TRPC4: variants seen among roughly 807,000 people sequenced by gnomAD.
TRPC4 encodes the protein short transient receptor potential channel 4.
A neutral mutation model predicts 99.4 loss-of-function variants in TRPC4; 49 were observed. The observed-to-expected ratio is 0.49, with a 90% CI of 0.39 to 0.63. The LOEUF (loss-of-function observed/expected upper bound fraction) is 0.63, where lower values mean the gene tolerates loss of function less well. Among genes scored for constraint, TRPC4 ranks in the 20% least tolerant of loss-of-function variants. The pLI is 0.00. For missense variants in TRPC4, 898 were observed against 1,152.9 expected, an observed-to-expected ratio of 0.78 and a Z score of 3.20; for synonymous variants, 454 against 425.9, an observed-to-expected ratio of 1.07 and a Z score of -0.81.
rs562676517 is a variant in TRPC4 at position 37,783,285 on chromosome 13, G to A, written c.49C>T (p.Arg17Cys). The change falls in exon 2 of 11, where the codon CGC becomes TGC. Residue 17 changes from arginine (R) to cysteine (C), a missense_variant. Physicochemically the swap from Arg to Cys is radical, Grantham distance 180 (BLOSUM62 -3). Around this residue, in one of 3 missense-constraint regions of TRPC4, gnomAD observed 278 missense variants for 346.6 expected, o/e 0.80. Transcript: ENST00000379705. ...KRNVNAPYRD[R>C]IPLRIVRAES... is the part of the protein sequence containing the mutation. Reference sequence around the variant, plus strand: ...GCTCTTACTATCCTTAGAGGGATGCGGTCTCTATAGGGAGCATTAACATTT... The same window carrying A: ...GCTCTTACTATCCTTAGAGGGATGCAGTCTCTATAGGGAGCATTAACATTT... The A allele has an allele frequency of 3.4e-5, 54 of 1,611,854 alleles. No individual in the cohort carries two copies. Among genetic ancestry groups the A allele is most frequent in the Non-Finnish European group, 3.8e-5 (45 of 1,179,186 alleles).
At chr13:37,651,105 C>G (rs1035451218) in intron 8 of TRPC4, 160 bp downstream of exon 8, 2 of 778,666 alleles carry the variant, frequency 2.6e-6, no homozygotes, top group African/African-American at 1.8e-5. Flanking sequence ...CCTAGTTAAT[C>G]AGACACTGCC....
At position 37,825,574 on chromosome 13, in the gene TRPC4, C is replaced by T. The variant is rs1214401956; in HGVS notation, c.-27-42214G>A. Among the ~76,000 whole-genome samples, 249 of 149,178 alleles carry T rather than the reference C, an allele frequency of 1.7e-3. 1 individual carries two copies. Among genetic ancestry groups the T allele is most frequent in the African/African-American group, 5.8e-3 (233 of 40,502 alleles). ...GCAGGTTGTTCAGTTTCCATGTAGT[C>T]CAGCGGTTTTGAGTGAGATTCTTAA... On this transcript the variant is annotated intron_variant, in intron 1 of 10. Coordinates refer to ENST00000379705, the MANE Select transcript of TRPC4 (RefSeq NM_016179.4).
intron 5 of TRPC4, among the ~76,000 whole-genome samples, chr13:37,673,387 A>C (rs995498180): frequency 6.6e-6 from 1 of 152,116 alleles, no homozygotes; most frequent in Non-Finnish European, 1.5e-5. Flanking sequence ...AATGAATAAA[A>C]GTTTATCTAC....
chr13:37,790,333 AG>A (rs1360396223), intron 1 of TRPC4, among the ~76,000 whole-genome samples: 3 of 152,182 alleles, frequency 2.0e-5, no homozygotes, highest in African/African-American at 7.2e-5. Flanking sequence ...TAACTCCCTT[AG>A]GGACAGAAAA....
chr13:37,717,108 TA>T (rs1186844598), intron 3 of TRPC4, among the ~76,000 whole-genome samples: 3 of 152,160 alleles, frequency 2.0e-5, no homozygotes, highest in African/African-American at 7.2e-5. Flanking sequence ...CAATACTTCA[TA>T]TTCACAACAT....
At chr13:37,773,922 G>A (rs753169299) in intron 2 of TRPC4, among the ~76,000 whole-genome samples, 1 of 151,548 alleles carries the variant, frequency 6.6e-6, no homozygotes, top group Non-Finnish European at 1.5e-5. Flanking sequence ...TTTGGAGAGT[G>A]GGAAATACAT....
chr13:37,743,457 T>C (rs1955649630), intron 3 of TRPC4, among the ~76,000 whole-genome samples: 1 of 152,130 alleles, frequency 6.6e-6, no homozygotes, highest in Non-Finnish European at 1.5e-5. Context: ...ATTTATAACA[T>C]ATACAGAAGA....
At chr13:37,741,388 G>A (rs1029886015) in intron 3 of TRPC4, among the ~76,000 whole-genome samples, 3 of 152,108 alleles carry the variant, frequency 2.0e-5, no homozygotes, top group Non-Finnish European at 2.9e-5. Context: ...AGTCGTCCTC[G>A]CCTTTATGTT....
intron 1 of TRPC4, among the ~76,000 whole-genome samples, chr13:37,868,456 A>G (rs1959921596): frequency 6.6e-6 from 1 of 152,148 alleles, no homozygotes; most frequent in East Asian, 1.9e-4. Flanking sequence ...CTCAATGTCT[A>G]ATTTAGAGTT....
Position 37,633,784 on chromosome 13 carries a change from T to C in TRPC4, c.*3119A>G, listed in dbSNP as rs1321261488. 6.6e-6 allele frequency among the ~76,000 whole-genome samples: 1 copy of C among 152,086 alleles called. No homozygotes were observed. The highest frequency in any genetic ancestry group is 2.4e-5 in the African/African-American group (1 of 41,436). Reference sequence around the variant, plus strand: ...ATATTCAATTCATGAAACAGATACATTTTGAGGATGTTTAGCACTTTGAAA... The same window carrying C: ...ATATTCAATTCATGAAACAGATACACTTTGAGGATGTTTAGCACTTTGAAA... On this transcript the variant is annotated 3_prime_UTR_variant, in exon 11 of 11. Coordinates refer to ENST00000379705, the MANE Select transcript of TRPC4 (RefSeq NM_016179.4).
chr13:37,793,091 T>A (rs1322608066), intron 1 of TRPC4, among the ~76,000 whole-genome samples: 1 of 152,138 alleles, frequency 6.6e-6, no homozygotes, highest in Non-Finnish European at 1.5e-5. Context: ...CGTTGAGACG[T>A]CTGGTTAGAA....
chr13:37,796,990 A>AAAGTAAAGTAAAGTAAAGTAAAGTAAAGT (rs1417298084), intron 1 of TRPC4, among the ~76,000 whole-genome samples: 1 of 149,816 alleles, frequency 6.7e-6, no homozygotes, highest in African/African-American at 2.4e-5. Context: ...AAAGTAAAGT[A>AAAGTAAAGTAAAGTAAAGTAAAGTAAAGT]AAGTAAAGTA....
chr13:37,801,363 T>G (rs1300054830), intron 1 of TRPC4, among the ~76,000 whole-genome samples: 2 of 152,092 alleles, frequency 1.3e-5, no homozygotes, highest in Non-Finnish European at 2.9e-5. Context: ...TGCATCATCC[T>G]TCACTCCACT....
At chr13:37,861,558 A>G (rs1959326004) in intron 1 of TRPC4, among the ~76,000 whole-genome samples, 1 of 151,638 alleles carries the variant, frequency 6.6e-6, no homozygotes, top group African/African-American at 2.4e-5. Flanking sequence ...TGATGGAAAA[A>G]TATTTATCAT....
At chr13:37,806,983 A>G (rs1957542772) in intron 1 of TRPC4, among the ~76,000 whole-genome samples, 1 of 152,050 alleles carries the variant, frequency 6.6e-6, no homozygotes, top group African/African-American at 2.4e-5. Flanking sequence ...AGAACTGTCT[A>G]ATGAAAACTC....
At position 37,814,801 on chromosome 13, in the gene TRPC4, C is replaced by G. The variant is rs770576974; in HGVS notation, c.-27-31441G>C. 5.9e-5 allele frequency among the ~76,000 whole-genome samples: 9 copies of G among 151,752 alleles called. No individual in the cohort carries two copies. In the South Asian group the frequency reaches 1.9e-3, roughly 31 times the overall value. ...AATGCCATCCTTATCAAAATTCCAA[C>G]TTACTTTTTAAAAGAAATTGACAAG... On this transcript the variant is annotated intron_variant, in intron 1 of 10. Coordinates refer to ENST00000379705, the MANE Select transcript of TRPC4 (RefSeq NM_016179.4).
At chr13:37,679,887 A>G (rs777415043) in intron 4 of TRPC4, among the ~76,000 whole-genome samples, 7 of 152,214 alleles carry the variant, frequency 4.6e-5, no homozygotes, top group Middle Eastern at 3.2e-3. Context: ...AGAATTTAAA[A>G]TATCCAGTGC....
intron 2 of TRPC4, among the ~76,000 whole-genome samples, chr13:37,776,660 A>T (rs4943534): frequency 6.6e-6 from 1 of 151,872 alleles, no homozygotes; most frequent in Admixed American, 6.6e-5. Flanking sequence ...TGGCTCTATG[A>T]GTTAGTTTAT....
chr13:37,729,934 T>C (rs1459750008), intron 3 of TRPC4, among the ~76,000 whole-genome samples: 1 of 152,058 alleles, frequency 6.6e-6, no homozygotes, highest in Non-Finnish European at 1.5e-5. Context: ...ATGAATGCAA[T>C]TAATGCCACT....
Sources: allele counts gnomAD v4.1 joint callset (sites outside exome capture counted in the v4.1 genomes callset), GRCh38; gene constraint gnomAD v4.1.1; regional missense constraint gnomAD v4.1.1; transcripts MANE v1.5; gene names NCBI Gene and HGNC (gene_info 2026-07-23, HGNC 2026-07-21).